CHN2: variants seen among roughly 807,000 people sequenced by gnomAD.
CHN2 encodes chimerin 2.
Under a neutral mutation model 56.3 loss-of-function variants are expected in CHN2, and 35 were observed. The ratio of observed to expected loss-of-function variants is 0.62; its 90% CI spans 0.47 to 0.82. The LOEUF is 0.82. Among genes scored for constraint, CHN2 ranks in the 40% least tolerant of loss-of-function variants. CHN2 has a pLI of 0.00. For synonymous variants in CHN2, 210 were observed against 212.8 expected (o/e 0.99, Z 0.12); for missense variants, 491 against 580.5 (o/e 0.85, Z 1.58).
chr7:29,299,755 G>A (rs1266634357), intron 1 of CHN2, among the ~76,000 whole-genome samples: 2 of 152,150 alleles, frequency 1.3e-5, no homozygotes, highest in African/African-American at 4.8e-5. Flanking sequence ...CTTCTATTAA[G>A]TAGAAGGCAT....
At position 29,456,116 on chromosome 7, in the gene CHN2, C is replaced by T. The variant is rs1418967130; in HGVS notation, c.577-24163C>T. Among the ~76,000 whole-genome samples the T allele has an allele frequency of 5.3e-5, 8 of 152,198 alleles. No individual in the cohort carries two copies. The South Asian group carries it at 1.7e-3, about 32-fold the overall frequency. On this transcript the variant is annotated intron_variant, in intron 6 of 12. Coordinates refer to ENST00000222792, the MANE Select transcript of CHN2 (RefSeq NM_004067.4). ...GTCTCAGACTTCTTTCTCAGTCTGACAAATGCTTGCCCTTCCTTCAAGGCT... is the reference window on the plus strand; with the variant it reads ...GTCTCAGACTTCTTTCTCAGTCTGATAAATGCTTGCCCTTCCTTCAAGGCT...
intron 6 of CHN2, among the ~76,000 whole-genome samples, chr7:29,453,986 T>C (rs1323703248): frequency 1.3e-5 from 2 of 152,156 alleles, no homozygotes; most frequent in African/African-American, 4.8e-5. Flanking sequence ...CTCCACCTCA[T>C]ATAAATGGCC....
chr7:29,238,948 G>T (rs1170642535), intron 1 of CHN2, among the ~76,000 whole-genome samples: 2 of 152,232 alleles, frequency 1.3e-5, no homozygotes, highest in African/African-American at 4.8e-5. Context: ...GTGGTTCATA[G>T]ATCTTAGGAG....
chr7:29,345,597 G>T (rs1797371768), intron 1 of CHN2, among the ~76,000 whole-genome samples: 1 of 152,148 alleles, frequency 6.6e-6, no homozygotes, highest in South Asian at 2.1e-4. Flanking sequence ...GGCAAGAGGA[G>T]AGACAAATGC....
chr7:29,457,907 T>C (rs1784884413), intron 6 of CHN2, among the ~76,000 whole-genome samples: 1 of 152,204 alleles, frequency 6.6e-6, no homozygotes, highest in African/African-American at 2.4e-5. Context: ...CTGCCATGCT[T>C]ACCCATGACT....
intron 1 of CHN2, among the ~76,000 whole-genome samples, chr7:29,217,862 C>T (rs763457877): frequency 8.5e-5 from 13 of 152,050 alleles, no homozygotes; most frequent in South Asian, 2.1e-4. Context: ...AATGCTTATG[C>T]GCAAAGACAT....
At chr7:29,240,798 CTCT>C (rs559491542) in intron 1 of CHN2, among the ~76,000 whole-genome samples, 3,636 of 133,328 alleles carry the variant, frequency 0.027, 40 homozygotes, top group Non-Finnish European at 0.032. Context: ...CTTCTTCTTC[CTCT>C]TCTTCTTCTT....
chr7:29,173,401 A>G (rs964774580), intron 2 of CHN2, among the ~76,000 whole-genome samples: 1 of 152,086 alleles, frequency 6.6e-6, no homozygotes, highest in Non-Finnish European at 1.5e-5. Flanking sequence ...TTAATAATAC[A>G]TGAGGATTTC....
chr7:29,262,566 A>G (rs1584901265), intron 1 of CHN2, among the ~76,000 whole-genome samples: 1 of 152,212 alleles, frequency 6.6e-6, no homozygotes, highest in Non-Finnish European at 1.5e-5. Context: ...ACTTCATTCA[A>G]TTCTCTAATC....
chr7:29,219,654 A>C (rs1430465027), intron 1 of CHN2, among the ~76,000 whole-genome samples: 2 of 152,236 alleles, frequency 1.3e-5, no homozygotes, highest in Non-Finnish European at 2.9e-5. Flanking sequence ...AGAAAGATTG[A>C]AAGTAAAATG....
intron 1 of CHN2, chr7:29,213,289 C>G: frequency 1.3e-6 from 1 of 798,354 alleles, no homozygotes; most frequent in Non-Finnish European, 2.2e-6. Context: ...TCCTCCCCTC[C>G]CTGATAGGAT....
intron 1 of CHN2, among the ~76,000 whole-genome samples, chr7:29,307,085 G>T (rs562893638): frequency 6.6e-6 from 1 of 152,144 alleles, no homozygotes; most frequent in Non-Finnish European, 1.5e-5. Context: ...ATCAGTGTTC[G>T]CTGATTCGCC....
intron 6 of CHN2, among the ~76,000 whole-genome samples, chr7:29,436,538 T>C (rs1179387058): frequency 2.0e-5 from 3 of 152,172 alleles, no homozygotes; most frequent in African/African-American, 7.2e-5. Flanking sequence ...AGCTTGGCTA[T>C]GTGAAGGGCA....
At chr7:29,151,852 T>C (rs1466899106) in intron 2 of CHN2, among the ~76,000 whole-genome samples, 1 of 152,222 alleles carries the variant, frequency 6.6e-6, no homozygotes, top group Non-Finnish European at 1.5e-5. Context: ...CGAAATTGTA[T>C]GTATAGCCAT....
chr7:29,213,335 T>C, intron 1 of CHN2: 6 of 691,676 alleles, frequency 8.7e-6, no homozygotes, highest in Non-Finnish European at 1.6e-5. Context: ...CTGGCTTCCA[T>C]TATGCCTATC....
intron 2 of CHN2, among the ~76,000 whole-genome samples, chr7:29,170,259 A>G (rs1796426176): frequency 1.3e-5 from 2 of 152,234 alleles, no homozygotes; most frequent in South Asian, 4.2e-4. Flanking sequence ...TTTTGTTTTA[A>G]TATCTGACAA....
chr7:29,510,010 C>T (rs1006250), intron 12 of CHN2, among the ~76,000 whole-genome samples: 111,561 of 151,920 alleles, frequency 0.73, 42,978 homozygotes, highest in Non-Finnish European at 0.87. Context: ...GTGTCTGCAT[C>T]TTCATCTGAC....
intron 12 of CHN2, among the ~76,000 whole-genome samples, chr7:29,510,668 AC>A (rs1476944424): frequency 6.6e-6 from 1 of 152,166 alleles, no homozygotes; most frequent in East Asian, 1.9e-4. Flanking sequence ...AAGCAAGAGC[AC>A]CCAATATGAG....
chr7:29,179,808 G>A (rs933395380), intron 2 of CHN2, among the ~76,000 whole-genome samples: 1 of 152,086 alleles, frequency 6.6e-6, no homozygotes, highest in South Asian at 2.1e-4. Context: ...AGGTTCATTT[G>A]TTTTCTTATG....
Sources: allele counts gnomAD v4.1 joint callset (sites outside exome capture counted in the v4.1 genomes callset), GRCh38; gene constraint gnomAD v4.1.1; transcripts MANE v1.5; gene names NCBI Gene and HGNC (gene_info 2026-07-23, HGNC 2026-07-21).